Variants in SLIT3 observed in about 807,000 individuals in gnomAD.
SLIT3 encodes slit guidance ligand 3, also known as slit homolog 3 protein.
Under a neutral mutation model 184.0 loss-of-function variants are expected in SLIT3, and 68 were observed. The observed-to-expected ratio is 0.37, with a 90% CI of 0.30 to 0.45. SLIT3 has a LOEUF of 0.45. SLIT3 is among the 20% of genes least tolerant of loss of function. SLIT3 has a pLI of 1.00. For synonymous variants in SLIT3, 831 were observed against 828.6 expected (o/e 1.00, Z -0.05); for missense variants, 1,707 against 2,026.0 (o/e 0.84, Z 3.02).
chr5:168,746,695 GGGT>G (rs1754447380), intron 20 of SLIT3, among the ~76,000 whole-genome samples: 1 of 108,336 alleles, frequency 9.2e-6, no homozygotes. Context: ...GTGGTGGTGT[GGGT>G]GTGGTGGTGT....
chr5:169,153,555 C>T (rs1762197991), intron 4 of SLIT3, among the ~76,000 whole-genome samples: 2 of 152,232 alleles, frequency 1.3e-5, no homozygotes, highest in Non-Finnish European at 2.9e-5. Flanking sequence ...TACTCAGATC[C>T]TTGGCTTTTC....
intron 4 of SLIT3, among the ~76,000 whole-genome samples, chr5:168,932,258 G>GTT (rs373049439): frequency 9.7e-6 from 1 of 103,560 alleles, no homozygotes; most frequent in Non-Finnish European, 2.0e-5. Flanking sequence ...TTGTTGTTGT[G>GTT]TTTTTTTTTT....
At chr5:168,700,767 C>G in intron 26 of SLIT3, 88 bp from the exon 27 acceptor site, 1 of 947,048 alleles carries the variant, frequency 1.1e-6, no homozygotes, top group Non-Finnish European at 1.7e-6. Flanking sequence ...CCAGCATTCT[C>G]TGTGATGAGG....
At chr5:169,111,642 C>T (rs1760413497) in intron 4 of SLIT3, among the ~76,000 whole-genome samples, 1 of 152,136 alleles carries the variant, frequency 6.6e-6, no homozygotes, top group African/African-American at 2.4e-5. Flanking sequence ...ATCCCAGCTA[C>T]TCGGGAGGCT....
chr5:169,059,376 A>T (rs1758107547), intron 4 of SLIT3, among the ~76,000 whole-genome samples: 1 of 152,222 alleles, frequency 6.6e-6, no homozygotes, highest in African/African-American at 2.4e-5. Context: ...GCACTGTCCC[A>T]GGCTCTTTGT....
At chr5:169,107,043 C>T (rs1022750441) in intron 4 of SLIT3, among the ~76,000 whole-genome samples, 1 of 152,230 alleles carries the variant, frequency 6.6e-6, no homozygotes, top group Admixed American at 6.5e-5. Context: ...CTGCCCTGTG[C>T]AGGAAATGGT....
At chr5:169,116,322 G>A (rs1760661644) in intron 4 of SLIT3, among the ~76,000 whole-genome samples, 1 of 152,174 alleles carries the variant, frequency 6.6e-6, no homozygotes, top group South Asian at 2.1e-4. Flanking sequence ...CACGGAAGAA[G>A]AGTGGGACAG....
chr5:169,081,583 A>G (rs1452484745), intron 4 of SLIT3, among the ~76,000 whole-genome samples: 1 of 152,048 alleles, frequency 6.6e-6, no homozygotes, highest in East Asian at 1.9e-4. Context: ...GCCCCCGAGG[A>G]GAAGGGGATG....
chr5:169,103,927 C>T (rs1760108222), intron 4 of SLIT3, among the ~76,000 whole-genome samples: 1 of 152,228 alleles, frequency 6.6e-6, no homozygotes, highest in South Asian at 2.1e-4. Flanking sequence ...CTGCCACTTG[C>T]TGCTCTGTGC....
At chr5:168,872,589 TC>T (rs1159995740) in intron 5 of SLIT3, among the ~76,000 whole-genome samples, 54 of 125,130 alleles carry the variant, frequency 4.3e-4, no homozygotes, top group African/African-American at 2.1e-3. Context: ...AAAATTAAAG[TC>T]TTTTTTTTTT....
chr5:168,854,894 T>C (rs1424229028), intron 5 of SLIT3, among the ~76,000 whole-genome samples: 2 of 152,152 alleles, frequency 1.3e-5, no homozygotes, highest in African/African-American at 4.8e-5. Flanking sequence ...GATATCAAGG[T>C]CCTTGTAATT....
chr5:169,013,616 T>C (rs1756245973), intron 4 of SLIT3, among the ~76,000 whole-genome samples: 1 of 152,216 alleles, frequency 6.6e-6, no homozygotes. Flanking sequence ...CTGCTTGACC[T>C]CTGCCTCTTA....
chr5:168,692,886 G>A (rs1761949499), intron 28 of SLIT3, among the ~76,000 whole-genome samples, 186 bp from the exon 29 acceptor site: 1 of 152,144 alleles, frequency 6.6e-6, no homozygotes, highest in African/African-American at 2.4e-5. Flanking sequence ...CCTCTGCCTT[G>A]GTTTCTTTGG....
At chr5:168,905,466 C>T (rs1215883809) in intron 4 of SLIT3, among the ~76,000 whole-genome samples, 4 of 152,202 alleles carry the variant, frequency 2.6e-5, no homozygotes, top group South Asian at 2.1e-4. Flanking sequence ...TAGTGAAGTA[C>T]GATCATGTAT....
At chr5:168,739,457 C>T (rs1003982207) in intron 20 of SLIT3, among the ~76,000 whole-genome samples, 7 of 149,430 alleles carry the variant, frequency 4.7e-5, no homozygotes, top group East Asian at 4.0e-4. Flanking sequence ...GAGTCTCACT[C>T]TGTCACCCAG....
rs77957118 is a variant in SLIT3 at position 169,052,097 on chromosome 5, C to T, written c.413+141382G>A. On this transcript the variant is annotated intron_variant, in intron 4 of 35. Transcript: ENST00000519560. ...GCCAGAGAACTTCTTCACAGAAATG[C>T]GTGTGCATTTTTATTTCCCCTTTAA... Among the ~76,000 whole-genome samples, 73 of 149,412 alleles carry T rather than the reference C, an allele frequency of 4.9e-4. No homozygotes were observed. The East Asian group carries it at 6.3e-3, about 13-fold the overall frequency.
chr5:169,252,502 G>A (rs144720233), intron 1 of SLIT3, among the ~76,000 whole-genome samples: 118 of 152,256 alleles, frequency 7.8e-4, no homozygotes, highest in Admixed American at 6.2e-3. Context: ...TGAATATTCC[G>A]TGTTCACTAA....
chr5:168,676,415 C>T (rs900574996), intron 32 of SLIT3, among the ~76,000 whole-genome samples: 1 of 152,128 alleles, frequency 6.6e-6, no homozygotes, highest in African/African-American at 2.4e-5. Flanking sequence ...GTAAAAGAGT[C>T]CACTGAGGAA....
intron 32 of SLIT3, among the ~76,000 whole-genome samples, chr5:168,674,392 A>AT (rs1421189277): frequency 6.6e-6 from 1 of 151,700 alleles, no homozygotes; most frequent in African/African-American, 2.4e-5. Flanking sequence ...TCATTAGAAG[A>AT]TTTTGGATTT....
Sources: gnomAD v4.1 joint callset for allele counts (sites outside exome capture counted in the v4.1 genomes callset) on GRCh38, gnomAD v4.1.1 for gene constraint, MANE v1.5 for transcripts, NCBI Gene and HGNC (gene_info 2026-07-23, HGNC 2026-07-21) for gene names.